The following TEC variants were observed in gnomAD, a reference collection of about 807,000 sequenced individuals.
TEC encodes tyrosine-protein kinase Tec.
TEC carries 72 observed loss-of-function variants against 93.0 expected under a neutral mutation model. That is an observed-to-expected ratio of 0.77 (90% CI 0.64 to 0.94). The LOEUF is 0.94. Among genes scored for constraint, TEC ranks in the 40% least tolerant of loss-of-function variants. The probability of loss-of-function intolerance (pLI) is 0.00; values close to 1 mark genes in which losing one functional copy is unlikely to be tolerated. For missense variants in TEC, 630 were observed against 757.9 expected (o/e 0.83, Z 1.98); for synonymous variants, 249 against 247.7 (o/e 1.01, Z -0.05).
At chr4:48,247,220 C>T (rs1199504513) in intron 1 of TEC, among the ~76,000 whole-genome samples, 1 of 152,030 alleles carries the variant, frequency 6.6e-6, no homozygotes. Flanking sequence ...GGAATATAAT[C>T]CAAAAAATAG....
At chr4:48,145,600 G>A (rs73244490) in intron 12 of TEC, 21 bp from the exon 13 acceptor site, 9 of 1,611,092 alleles carry the variant, frequency 5.6e-6, no homozygotes, top group Non-Finnish European at 7.6e-6. Flanking sequence ...GAAAGTGAAA[G>A]TGTTCATATT....
chr4:48,163,775 T>C lies in TEC; in HGVS notation c.672-8A>G. 1 of 1,427,936 alleles carries C rather than the reference T, an allele frequency of 7.0e-7. No individual in the cohort carries two copies. 88.5% of individuals were successfully genotyped at this position (1,427,936 alleles called of 1,614,324 possible). On this transcript the variant is annotated splice_polypyrimidine_tract_variant and splice_region_variant and intron_variant, in intron 7 of 17. Coordinates refer to ENST00000381501, the MANE Select transcript of TEC (RefSeq NM_003215.3). Reference sequence around the variant, plus strand: ...GGGATATATCCTTCATTCCTAGAAATAAGAAAAATACTTTAGGTAAACTTA... The same window carrying C: ...GGGATATATCCTTCATTCCTAGAAACAAGAAAAATACTTTAGGTAAACTTA...
intron 11 of TEC, among the ~76,000 whole-genome samples, chr4:48,146,805 C>T (rs4695338): frequency 0.21 from 31,657 of 152,050 alleles, 3,607 homozygotes; most frequent in South Asian, 0.35. Flanking sequence ...ACTGGGAATA[C>T]CAACTACTGG....
chr4:48,162,219 A>G (rs1304595902), intron 8 of TEC, among the ~76,000 whole-genome samples: 1 of 152,186 alleles, frequency 6.6e-6, no homozygotes, highest in Non-Finnish European at 1.5e-5. Flanking sequence ...GGCATGGTAC[A>G]AAGGCCATGT....
chr4:48,187,017 G>A, intron 2 of TEC, among the ~76,000 whole-genome samples: 1 of 152,266 alleles, frequency 6.6e-6, no homozygotes, highest in Non-Finnish European at 1.5e-5. Flanking sequence ...AAAAGAAAGA[G>A]AGATCAGATT....
chr4:48,256,491 G>A (rs1279090489), intron 1 of TEC, among the ~76,000 whole-genome samples: 2 of 151,222 alleles, frequency 1.3e-5, no homozygotes, highest in Non-Finnish European at 2.9e-5. Context: ...CACTAGAGAG[G>A]CTGAGGAGGG....
At chr4:48,263,013 T>C (rs528107297) in intron 1 of TEC, among the ~76,000 whole-genome samples, 1 of 152,310 alleles carries the variant, frequency 6.6e-6, no homozygotes, top group Admixed American at 6.5e-5. Flanking sequence ...ATAAAGAATG[T>C]TGATGTTACA....
chr4:48,138,000 G>C (rs559029868), intron 17 of TEC, among the ~76,000 whole-genome samples: 2 of 152,170 alleles, frequency 1.3e-5, no homozygotes, highest in African/African-American at 4.8e-5. Flanking sequence ...TTGGGAGGCA[G>C]TACAGCAAGT....
chr4:48,221,986 T>C (rs1723280869), intron 2 of TEC, among the ~76,000 whole-genome samples: 1 of 152,178 alleles, frequency 6.6e-6, no homozygotes, highest in African/African-American at 2.4e-5. Flanking sequence ...CAAGATACCA[T>C]AATAATGTGT....
At chr4:48,207,318 G>A (rs549872428) in intron 2 of TEC, among the ~76,000 whole-genome samples, 6 of 152,158 alleles carry the variant, frequency 3.9e-5, no homozygotes, top group Non-Finnish European at 5.9e-5. Context: ...CAGGCATCAG[G>A]TGCTTTAACC....
At chr4:48,206,733 T>C (rs1050968863) in intron 2 of TEC, among the ~76,000 whole-genome samples, 3 of 133,914 alleles carry the variant, frequency 2.2e-5, no homozygotes, top group African/African-American at 8.7e-5. Flanking sequence ...TTGAGCCCAG[T>C]AGTTCAAGAC....
intron 1 of TEC, among the ~76,000 whole-genome samples, chr4:48,230,196 G>A (rs911912340): frequency 6.6e-6 from 1 of 152,088 alleles, no homozygotes; most frequent in Non-Finnish European, 1.5e-5. Context: ...GACTGGACAC[G>A]GTTAGCCACT....
chr4:48,215,525 A>T (rs1300195125), intron 2 of TEC, among the ~76,000 whole-genome samples: 2 of 152,166 alleles, frequency 1.3e-5, no homozygotes, highest in Admixed American at 6.5e-5. Context: ...AATTAATTAA[A>T]TAAATAAAAT....
chr4:48,227,327 C>T (rs7678843), intron 2 of TEC, among the ~76,000 whole-genome samples: 24,242 of 151,830 alleles, frequency 0.16, 2,142 homozygotes, highest in Non-Finnish European at 0.2. Flanking sequence ...GAGGAAGATA[C>T]TCTAGAAAAA....
intron 1 of TEC, among the ~76,000 whole-genome samples, chr4:48,250,167 A>C: frequency 6.6e-6 from 1 of 152,102 alleles, no homozygotes. Context: ...TAGTCCCCTA[A>C]ATTTTGCTCT....
At chr4:48,161,716 C>T (rs777253725) in intron 8 of TEC, among the ~76,000 whole-genome samples, 17 of 150,990 alleles carry the variant, frequency 1.1e-4, no homozygotes, top group Non-Finnish European at 2.2e-4. Flanking sequence ...GTGTCCATGA[C>T]GGTGTTGCCA....
chr4:48,249,126 G>C (rs529714935), intron 1 of TEC, among the ~76,000 whole-genome samples: 14 of 152,206 alleles, frequency 9.2e-5, no homozygotes, highest in African/African-American at 3.1e-4. Context: ...CAGTTTATGG[G>C]ATCATAAAAG....
rs938049875 is a variant in TEC at position 48,241,785 on chromosome 4, C to T, written c.-45-13126G>A. On this transcript the variant is annotated intron_variant, in intron 1 of 17. Transcript: ENST00000381501. ...TCTTGTTTCATTCATCTCTTATCCT[C>T]GTCAATTTTCTTCCTTCCCTCAAAT... 5.3e-5 allele frequency among the ~76,000 whole-genome samples: 8 copies of T among 152,030 alleles called. No homozygotes were observed. In the East Asian group the frequency reaches 1.4e-3, roughly 26 times the overall value.
At chr4:48,147,630 T>C (rs1719972992) in intron 11 of TEC, among the ~76,000 whole-genome samples, 2 of 152,200 alleles carry the variant, frequency 1.3e-5, no homozygotes, top group Admixed American at 1.3e-4. Flanking sequence ...AACAGGTGGA[T>C]GGTAAGATAA....
Sources: gnomAD v4.1 joint callset for allele counts (sites outside exome capture counted in the v4.1 genomes callset) on GRCh38, gnomAD v4.1.1 for gene constraint, MANE v1.5 for transcripts, NCBI Gene and HGNC (gene_info 2026-07-23, HGNC 2026-07-21) for gene names.